Variants in MAP2K7 observed in about 807,000 individuals in gnomAD.
The protein encoded by MAP2K7 is dual specificity mitogen-activated protein kinase kinase 7.
In MAP2K7, 12 loss-of-function variants were observed where a neutral mutation model predicts 47.7. The observed-to-expected ratio is 0.25, with a 90% CI of 0.16 to 0.41. The LOEUF is 0.41. Ranked by LOEUF, MAP2K7 falls within the 10% of genes least tolerant of loss-of-function variation. The pLI is 1.00. For synonymous variants in MAP2K7, 299 were observed against 243.0 expected, an observed-to-expected ratio of 1.23 and a Z score of -2.14; for missense variants, 415 against 600.3, an observed-to-expected ratio of 0.69 and a Z score of 3.23.
chr19:7,908,930 C>T (rs1197725785), intron 1 of MAP2K7, among the ~76,000 whole-genome samples: 1 of 152,074 alleles, frequency 6.6e-6, no homozygotes, highest in Non-Finnish European at 1.5e-5. Flanking sequence ...CGCCTGCCCA[C>T]CCCAGGGTGC....
chr19:7,906,141 T>TG lies in MAP2K7; in HGVS notation c.124+2081dup, dbSNP rs564022208. 802 of 484,178 alleles carry TG rather than the reference T, an allele frequency of 1.7e-3. 6 individuals carry two copies. In the East Asian group the frequency reaches 0.02, roughly 12 times the overall value. 30.0% of individuals were successfully genotyped at this position (484,178 alleles called of 1,614,324 possible). On this transcript the variant is annotated intron_variant, in intron 1 of 10. Coordinates refer to ENST00000397979, the MANE Select transcript of MAP2K7 (RefSeq NM_145185.4). ...AATGGGAGTCTGTGGCCTCCGGGGG[T>TG]GGGGGGGGTGCACGCCTGTGTGTGT...
intron 1 of MAP2K7, chr19:7,905,801 C>T (rs772916245): frequency 1.2e-6 from 2 of 1,611,722 alleles, no homozygotes; most frequent in Non-Finnish European, 1.7e-6. Flanking sequence ...TCCTTTTCCC[C>T]ATCCAGTTAT....
rs887570441 is a variant in MAP2K7 at position 7,910,570 on chromosome 19, A to G, written c.565A>G (p.Asn189Asp). 1 of 1,613,504 alleles carries G rather than the reference A, an allele frequency of 6.2e-7. No homozygotes were observed. The highest frequency in any genetic ancestry group is 8.5e-7 in the Non-Finnish European group (1 of 1,179,944). The change falls in exon 5 of 11, where the codon AAC (asparagine) becomes GAC (aspartate). Residue 189 changes from asparagine (N) to aspartate (D), a missense_variant and splice_region_variant. This residue lies in a region of MAP2K7 where 206 missense variants were observed against 368.8 expected (regional missense o/e 0.56). Coordinates refer to ENST00000397979, the MANE Select transcript of MAP2K7 (RefSeq NM_145185.4). ...IVQCFGTFIT[N>D]TDVFIAMELM... The stretch of plus-strand genomic sequence containing the variant: ...GCAGTGCTTTGGGACGTTCATCACC[A>G]ACGTGAGTACCTGGCCGCGCCCTGC...
In MAP2K7 at chr19:7,912,477, C is replaced by T; in HGVS notation, c.*46C>T. 1 of 1,567,680 alleles carries T rather than the reference C, an allele frequency of 6.4e-7. No individual in the cohort carries two copies. The highest frequency in any genetic ancestry group is 8.6e-7 in the Non-Finnish European group (1 of 1,162,526). On this transcript the variant is annotated 3_prime_UTR_variant, in exon 11 of 11. Coordinates refer to ENST00000397979, the MANE Select transcript of MAP2K7 (RefSeq NM_145185.4). ...CCACAGGGGGCCAGGGGCATGGCCA[C>T]AGGCCCCCCTCCCCACTTGGCCACC...
intron 1 of MAP2K7, among the ~76,000 whole-genome samples, chr19:7,908,177 A>C (rs187246063): frequency 8.1e-4 from 123 of 152,056 alleles, no homozygotes; most frequent in South Asian, 6.2e-3. Context: ...AAAAAAAAAA[A>C]AACAGTGGGA....
rs1424137577 is a variant in MAP2K7, at chr19:7,912,447, C to G, written c.*16C>G. On this transcript the variant is annotated 3_prime_UTR_variant, in exon 11 of 11. Coordinates refer to ENST00000397979, the MANE Select transcript of MAP2K7 (RefSeq NM_145185.4). Reference sequence around the variant, plus strand: ...CTTCAGGTAGCTGCTTGGCGGCGGCCAGCCCCACAGGGGGCCAGGGGCATG... The same window carrying G: ...CTTCAGGTAGCTGCTTGGCGGCGGCGAGCCCCACAGGGGGCCAGGGGCATG... The G allele has an allele frequency of 2.5e-6, 4 of 1,604,740 alleles. No homozygotes were observed. In the South Asian group the frequency reaches 4.4e-5, roughly 18 times the overall value.
chr19:7,912,176 A>G lies in MAP2K7; in HGVS notation c.1107A>G (p.Pro369=). 1 of 1,614,040 alleles carries G rather than the reference A, an allele frequency of 6.2e-7. No homozygotes were observed. The highest frequency in any genetic ancestry group is 8.5e-7 in the Non-Finnish European group (1 of 1,179,962). The change falls in exon 10 of 11, where the codon CCA becomes CCG. Residue 369 remains proline (P), a synonymous_variant. Coordinates refer to ENST00000397979, the MANE Select transcript of MAP2K7 (RefSeq NM_145185.4). ...DCLTKDHRKR[P]KYNKLLEHSF... is the part of the protein sequence containing the mutation. ...TTACTAAAGATCACAGGAAGAGACCAAAGTATAATAAGCTACTTGTGAGTA... is the reference window on the plus strand; with the variant it reads ...TTACTAAAGATCACAGGAAGAGACCGAAGTATAATAAGCTACTTGTGAGTA...
rs1383490584 is a variant in MAP2K7, at chr19:7,910,989, G to T, written c.685G>T (p.Ala229Ser). Residue 229 changes from alanine (A) to serine (S), a missense_variant, in exon 7 of 11, where the codon GCG becomes TCG. By Grantham distance (99) the Ala-to-Ser change is moderately conservative (BLOSUM62 1). Transcript: ENST00000397979. Reference sequence around the variant, plus strand: ...CTCTGCGTGCCTGCAGATTGTGAAGGCGCTGTACTACCTGAAGGAGAAGCA... The same window carrying T: ...CTCTGCGTGCCTGCAGATTGTGAAGTCGCTGTACTACCTGAAGGAGAAGCA... ...LGKMTVAIVK[A>S]LYYLKEKHGV... 1 of 1,610,344 alleles carries T rather than the reference G, an allele frequency of 6.2e-7. No homozygotes were observed. The highest frequency in any genetic ancestry group is 1.3e-5 in the African/African-American group (1 of 74,882).
chr19:7,914,018 C>G lies in MAP2K7; in HGVS notation c.*1587C>G, dbSNP rs944542296. 70 of 152,120 alleles carry G rather than the reference C, an allele frequency of 4.6e-4. No individual in the cohort carries two copies. The highest frequency in any genetic ancestry group is 1.6e-3 in the African/African-American group (67 of 41,518). The allele number at this position is 152,120 out of a possible 1,614,324, so 9.4% of individuals were successfully genotyped here. A position where few individuals can be genotyped will look rare whatever the true frequency, so the allele number is the denominator to read the frequency against. ...GCCCCTTGGCCCCTTTGTCAGGGGC[C>G]AGGGGTCTGCCGGGTGGGGGTGCCA... On this transcript the variant is annotated 3_prime_UTR_variant, in exon 11 of 11. Coordinates refer to ENST00000397979, the MANE Select transcript of MAP2K7 (RefSeq NM_145185.4).
In MAP2K7 at chr19:7,911,131, G is replaced by A. The variant is rs1982826079; in HGVS notation, c.827G>A (p.Arg276Gln). ...GRLVDSKAKT[R>Q]SAGCAAYMAP... ...CTGGTGGACTCCAAAGCCAAGACGC[G>A]GAGCGCCGGCTGTGCCGCCTACATG... Residue 276 changes from arginine (R) to glutamine (Q), a missense_variant, in exon 7 of 11, where the codon CGG becomes CAG. Physicochemically the swap from Arg to Gln is conservative, Grantham distance 43 (BLOSUM62 1). Coordinates refer to ENST00000397979, the MANE Select transcript of MAP2K7 (RefSeq NM_145185.4). 11 of 1,611,236 alleles carry A rather than the reference G, an allele frequency of 6.8e-6. No homozygotes were observed. Among genetic ancestry groups the A allele is most frequent in the African/African-American group, 2.7e-5 (2 of 74,882 alleles).
chr19:7,909,032 G>C (rs551139274), intron 1 of MAP2K7, among the ~76,000 whole-genome samples: 1 of 150,408 alleles, frequency 6.6e-6, no homozygotes, highest in East Asian at 2.1e-4. Context: ...GCCTGGCCCA[G>C]CATTGGCCCC....
rs760554381 is a variant in MAP2K7 at position 7,911,344 on chromosome 19, CT to C, written c.936+15del. On this transcript the variant is annotated intron_variant, in intron 8 of 10. Coordinates refer to ENST00000397979, the MANE Select transcript of MAP2K7 (RefSeq NM_145185.4). ...GGCATCTCGTTGGTGAGTTGGGGCC[CT>C]CCCCTGTTCTCCAGCCAGGAGTGAG... 1.7e-5 allele frequency: 28 copies of C among 1,613,326 alleles called. No individual in the cohort carries two copies. In the African/African-American group the frequency reaches 3.2e-4, roughly 18 times the overall value.
chr19:7,912,047 C>T (rs1982910239), intron 9 of MAP2K7, 102 bp from the exon 10 acceptor site: 1 of 1,098,072 alleles, frequency 9.1e-7, no homozygotes, highest in South Asian at 1.4e-5. Flanking sequence ...CCACACACAT[C>T]TTGGGGACCC....
chr19:7,912,910 C>A lies in MAP2K7; in HGVS notation c.*479C>A. The A allele has an allele frequency of 5.7e-6, 1 of 175,106 alleles. No homozygotes were observed. The highest frequency in any genetic ancestry group is 1.2e-5 in the Non-Finnish European group (1 of 81,010). The allele number at this position is 175,106 out of a possible 1,614,324, so 10.8% of individuals were successfully genotyped here. On this transcript the variant is annotated 3_prime_UTR_variant, in exon 11 of 11. Transcript: ENST00000397979. ...TCCCTGCCTCTGTCTCTCTTCTGGC[C>A]TGAGCCTGGGCCCAGCCACCTCCTG...
Position 7,909,777 on chromosome 19 carries a change from C to T in MAP2K7, c.147C>T (p.Asn49=), listed in dbSNP as rs756529483. The T allele has an allele frequency of 4.2e-5, 65 of 1,542,220 alleles. No individual in the cohort carries two copies. Among genetic ancestry groups the T allele is most frequent in the Admixed American group, 5.9e-5 (3 of 50,940 alleles). Residue 49 remains asparagine (N), a synonymous_variant, in exon 2 of 11, where the codon AAC becomes AAT. Coordinates refer to ENST00000397979, the MANE Select transcript of MAP2K7 (RefSeq NM_145185.4). ...PRPTLQLPLA[N]DGGSRSPSSE... ...TAGCCCTGCAGCTCCCGCTGGCCAA[C>T]GATGGGGGCAGCCGCTCGCCATCCT...
intron 1 of MAP2K7, among the ~76,000 whole-genome samples, chr19:7,909,420 T>G (rs1322186563): frequency 1.3e-5 from 2 of 152,276 alleles, no homozygotes; most frequent in East Asian, 3.9e-4. Context: ...TGGGAGGAAG[T>G]GCACACACCT....
At chr19:7,909,080 G>A (rs1035290557) in intron 1 of MAP2K7, among the ~76,000 whole-genome samples, 24 of 152,266 alleles carry the variant, frequency 1.6e-4, no homozygotes, top group African/African-American at 5.3e-4. Context: ...CTGTGCCCCC[G>A]AGCTCTCCTC....
rs1016658406 is a variant in MAP2K7 at position 7,913,869 on chromosome 19, C to T, written c.*1438C>T. The T allele has an allele frequency of 6.6e-6, 1 of 152,548 alleles. No homozygotes were observed. The highest frequency in any genetic ancestry group is 2.4e-5 in the African/African-American group (1 of 41,436). The allele number at this position is 152,548 out of a possible 1,614,324, so 9.4% of individuals were successfully genotyped here. A position where few individuals can be genotyped will look rare whatever the true frequency, so the allele number is the denominator to read the frequency against. ...GGTGGGGGCAGCGTAGGCGTAGCATCCCTCTCCTCTCACTTAGCCTGTTGA... is the reference window on the plus strand; with the variant it reads ...GGTGGGGGCAGCGTAGGCGTAGCATTCCTCTCCTCTCACTTAGCCTGTTGA... On this transcript the variant is annotated 3_prime_UTR_variant, in exon 11 of 11. Coordinates refer to ENST00000397979, the MANE Select transcript of MAP2K7 (RefSeq NM_145185.4).
Position 7,903,926 on chromosome 19 carries a change from G to T in MAP2K7, c.-19G>T, listed in dbSNP as rs746241681. ...GACGGGCGGCCGGGCGGTGCGCGGC[G>T]GCGGTGGCGGCGGGGAAGATGGCGG... On this transcript the variant is annotated 5_prime_UTR_variant, in exon 1 of 11. Coordinates refer to ENST00000397979, the MANE Select transcript of MAP2K7 (RefSeq NM_145185.4). 6.6e-7 allele frequency: 1 copy of T among 1,506,306 alleles called. No individual in the cohort carries two copies. The highest frequency in any genetic ancestry group is 8.9e-7 in the Non-Finnish European group (1 of 1,126,466). The allele number at this position is 1,506,306 out of a possible 1,614,324, so 93.3% of individuals were successfully genotyped here.
Sources: gnomAD v4.1 joint callset for allele counts (sites outside exome capture counted in the v4.1 genomes callset) on GRCh38, gnomAD v4.1.1 for gene constraint, gnomAD v4.1.1 regional missense constraint, MANE v1.5 for transcripts, NCBI Gene and HGNC (gene_info 2026-07-23, HGNC 2026-07-21) for gene names.